PIP5K1C: variants seen among roughly 807,000 people sequenced by gnomAD.
PIP5K1C encodes the protein phosphatidylinositol 4-phosphate 5-kinase type-1 gamma.
PIP5K1C carries 45 observed loss-of-function variants against 80.1 expected under a neutral mutation model. That is an observed-to-expected ratio of 0.56 (90% CI 0.44 to 0.72). The LOEUF (loss-of-function observed/expected upper bound fraction) is 0.72, where lower values mean the gene tolerates loss of function less well. Ranked by LOEUF, PIP5K1C falls within the 30% of genes least tolerant of loss-of-function variation. The pLI is 0.00. For missense variants in PIP5K1C, 753 were observed against 954.6 expected (o/e 0.79, Z 2.78); for synonymous variants, 498 against 420.1 (o/e 1.19, Z -2.27).
chr19:3,681,346 T>G (rs1343368046), intron 1 of PIP5K1C, among the ~76,000 whole-genome samples: 1 of 151,834 alleles, frequency 6.6e-6, no homozygotes, highest in African/African-American at 2.4e-5. Context: ...TTCTCCTGCC[T>G]CAGTCTCCCA....
chr19:3,662,157 G>A (rs149307237), intron 3 of PIP5K1C, among the ~76,000 whole-genome samples, 156 bp from the exon 4 acceptor site: 121 of 152,288 alleles, frequency 7.9e-4, no homozygotes, highest in Admixed American at 6.5e-4. Flanking sequence ...CCTGTCCTGC[G>A]GCTGCTGAGC....
chr19:3,653,729 C>T (rs745985012), intron 6 of PIP5K1C, 140 bp from the exon 7 acceptor site: 144 of 757,236 alleles, frequency 1.9e-4, no homozygotes, highest in Non-Finnish European at 2.0e-4. Flanking sequence ...TCGGGGACCC[C>T]GTTCCTATGC....
Position 3,694,940 on chromosome 19 carries a change from A to C in PIP5K1C, c.94+5357T>G, listed in dbSNP as rs1199606095. On this transcript the variant is annotated intron_variant, in intron 1 of 17. Coordinates refer to ENST00000335312, the MANE Select transcript of PIP5K1C (RefSeq NM_012398.3). ...CAGCAAGTGTTTTCGGCTTCGTGGG[A>C]CACGTAGCCCCAAGCATGGCCACTC... Among the ~76,000 whole-genome samples the C allele has an allele frequency of 3.3e-5, 5 of 152,238 alleles. No individual in the cohort carries two copies. In the East Asian group the frequency reaches 9.6e-4, roughly 29 times the overall value.
rs752428850 is a variant in PIP5K1C at position 3,651,844 on chromosome 19, G to A, written c.1109C>T (p.Ala370Val). 6 of 1,612,010 alleles carry A rather than the reference G, an allele frequency of 3.7e-6. No homozygotes were observed. ...SIQGGAARGE[A>V]IESDDTMGGI... ...CACCTACGTGTCATCCGATTCGATGGCCTCCCCGCGCGCGGCGCCACCCTG... is the reference window on the plus strand; with the variant it reads ...CACCTACGTGTCATCCGATTCGATGACCTCCCCGCGCGCGGCGCCACCCTG... Residue 370 changes from alanine (A) to valine (V), a missense_variant, in exon 8 of 18, where the codon GCC becomes GTC. Transcript: ENST00000335312.
chr19:3,644,365 C>G, intron 11 of PIP5K1C, 114 bp from the exon 12 acceptor site: 1 of 1,077,868 alleles, frequency 9.3e-7, no homozygotes. Flanking sequence ...AGACCCCTAC[C>G]GGTCCCTGAG....
intron 1 of PIP5K1C, among the ~76,000 whole-genome samples, chr19:3,691,768 C>G (rs2035958186): frequency 6.6e-6 from 1 of 152,232 alleles, no homozygotes; most frequent in Non-Finnish European, 1.5e-5. Flanking sequence ...GCCTTTACTG[C>G]ACTGGGGGTG....
Position 3,633,520 on chromosome 19 carries a change from G to A in PIP5K1C, c.1921C>T (p.Pro641Ser), listed in dbSNP as rs1259680276. 1 of 1,492,820 alleles carries A rather than the reference G, an allele frequency of 6.7e-7. No homozygotes were observed. The highest frequency in any genetic ancestry group is 1.4e-5 in the South Asian group (1 of 71,566). The allele number at this position is 1,492,820 out of a possible 1,614,324, so 92.5% of individuals were successfully genotyped here. The stretch of plus-strand genomic sequence containing the variant: ...TACACCCAGCTCCTCTCATCGGTGG[G>A]CTGGCAGGTGGGCGCGCGTGCAGGA... ...EDAPATDIYF[P>S]TDERSWVYSP... Residue 641 changes from proline to serine, a missense_variant and splice_region_variant, in exon 17 of 18, where the codon CCC becomes TCC. Transcript: ENST00000335312.
At chr19:3,644,006 A>G in intron 12 of PIP5K1C, 81 bp downstream of exon 12, 1 of 1,511,272 alleles carries the variant, frequency 6.6e-7, no homozygotes, top group Non-Finnish European at 9.1e-7. Context: ...GGCACTCAGG[A>G]TGAGGCGGCA....
chr19:3,641,837 G>C, intron 14 of PIP5K1C, 28 bp from the exon 15 acceptor site: 2 of 1,575,928 alleles, frequency 1.3e-6, no homozygotes, highest in Non-Finnish European at 1.7e-6. Context: ...TTGTGCCTCG[G>C]TTTCCCTCCT....
intron 16 of PIP5K1C, chr19:3,636,379 C>T (rs1280277446): frequency 3.0e-6 from 3 of 985,218 alleles, no homozygotes; most frequent in South Asian, 4.7e-5. Context: ...GCCCTGCCTC[C>T]CTTCTGGCCC....
chr19:3,644,000 C>G (rs2145408610), intron 12 of PIP5K1C, 87 bp downstream of exon 12: 1 of 1,487,954 alleles, frequency 6.7e-7, no homozygotes, highest in East Asian at 2.3e-5. Flanking sequence ...GCGATGGGCA[C>G]TCAGGATGAG....
intron 1 of PIP5K1C, among the ~76,000 whole-genome samples, chr19:3,680,233 T>C (rs1476658101): frequency 6.6e-6 from 1 of 152,122 alleles, no homozygotes; most frequent in Non-Finnish European, 1.5e-5. Context: ...CAAACCAAAA[T>C]CAGCAAGCAT....
At chr19:3,647,221 A>G in intron 10 of PIP5K1C, 117 bp downstream of exon 10, 2 of 778,290 alleles carry the variant, frequency 2.6e-6, no homozygotes, top group Non-Finnish European at 2.0e-6. Flanking sequence ...GGATGGGAGG[A>G]GGGATGGGAG....
intron 1 of PIP5K1C, among the ~76,000 whole-genome samples, chr19:3,687,470 G>C (rs1384862635): frequency 6.6e-6 from 1 of 152,196 alleles, no homozygotes; most frequent in African/African-American, 2.4e-5. Context: ...GTGAGGGCCT[G>C]TGGGAAGGGG....
chr19:3,632,966 T>G lies in PIP5K1C; in HGVS notation c.*201A>C. Reference sequence around the variant, plus strand: ...GAGGGTGGGTCTCACAGGGGCAGGCTGCCGACCGGGGTGCCGGGGCCCTGG... The same window carrying G: ...GAGGGTGGGTCTCACAGGGGCAGGCGGCCGACCGGGGTGCCGGGGCCCTGG... On this transcript the variant is annotated 3_prime_UTR_variant, in exon 18 of 18. Transcript: ENST00000335312. 1 of 531,440 alleles carries G rather than the reference T, an allele frequency of 1.9e-6. No homozygotes were observed. The highest frequency in any genetic ancestry group is 3.2e-5 in the East Asian group (1 of 30,996). The allele number at this position is 531,440 out of a possible 1,614,324, so 32.9% of individuals were successfully genotyped here.
chr19:3,658,441 A>G (rs1426996215), intron 5 of PIP5K1C, among the ~76,000 whole-genome samples: 2 of 152,236 alleles, frequency 1.3e-5, no homozygotes, highest in Non-Finnish European at 2.9e-5. Flanking sequence ...CACGAGCCAC[A>G]AATATCCACA....
At chr19:3,660,467 G>A (rs374080348) in intron 5 of PIP5K1C, among the ~76,000 whole-genome samples, 8 of 152,184 alleles carry the variant, frequency 5.3e-5, no homozygotes, top group African/African-American at 1.2e-4. Context: ...TTAGGAGCCC[G>A]GATAATGGGC....
Position 3,696,953 on chromosome 19 carries a change from G to C in PIP5K1C, c.94+3344C>G, listed in dbSNP as rs934570092. Among the ~76,000 whole-genome samples the C allele has an allele frequency of 2.0e-5, 3 of 152,214 alleles. No individual in the cohort carries two copies. The highest frequency in any genetic ancestry group is 4.4e-5 in the Non-Finnish European group (3 of 68,032). On this transcript the variant is annotated intron_variant, in intron 1 of 17. Transcript: ENST00000335312. This position sits in a 1 kb window ranked among gnomAD's most constrained non-coding sequence, Gnocchi z 4.1. ...AGGGGCGCCAGGCCTGGCTCAGGGG[G>C]CAAAGGAGGACTGAGCTGGACCGAG... is the stretch of plus-strand genomic sequence containing the variant.
chr19:3,673,760 C>A (rs1458198420), intron 1 of PIP5K1C: 2 of 152,312 alleles, frequency 1.3e-5, no homozygotes, highest in African/African-American at 4.8e-5. Context: ...ATGGGGACCA[C>A]AGGCCCCTCT....
Sources: allele counts gnomAD v4.1 joint callset (sites outside exome capture counted in the v4.1 genomes callset), GRCh38; gene constraint gnomAD v4.1.1; non-coding constraint Gnocchi (gnomAD v3.1); transcripts MANE v1.5; gene names NCBI Gene and HGNC (gene_info 2026-07-23, HGNC 2026-07-21).